Variants in SLC9A1 observed in about 807,000 individuals in gnomAD.
The protein encoded by SLC9A1 is sodium/hydrogen exchanger 1.
SLC9A1 carries 22 observed loss-of-function variants against 67.9 expected under a neutral mutation model. That is an observed-to-expected ratio of 0.32 (90% CI 0.23 to 0.46). The LOEUF (loss-of-function observed/expected upper bound fraction) is 0.46, where lower values mean the gene tolerates loss of function less well. Among genes scored for constraint, SLC9A1 ranks in the 20% least tolerant of loss-of-function variants. The pLI, the probability that SLC9A1 is intolerant of heterozygous loss-of-function variation, is 1.00. For synonymous variants in SLC9A1, 421 were observed against 471.8 expected, an observed-to-expected ratio of 0.89 and a Z score of 1.40; for missense variants, 686 against 1,094.8, an observed-to-expected ratio of 0.63 and a Z score of 5.27.
chr1:27,131,949 T>TAAAAAAAAAATAAAAAAAAAAAAAAA (rs200128151), intron 1 of SLC9A1, among the ~76,000 whole-genome samples: 1 of 25,318 alleles, frequency 3.9e-5, no homozygotes, highest in African/African-American at 9.5e-5. Flanking sequence ...AAAAAAAAAA[T>TAAAAAAAAAATAAAAAAAAAAAAAAA]ATATATATAT....
In SLC9A1 at chr1:27,109,785, G is replaced by T; in HGVS notation, c.814-8C>A. 6.2e-7 allele frequency: 1 copy of T among 1,613,364 alleles called. No individual in the cohort carries two copies. Among genetic ancestry groups the T allele is most frequent in the South Asian group, 1.1e-5 (1 of 91,040 alleles). On this transcript the variant is annotated splice_region_variant and splice_polypyrimidine_tract_variant and intron_variant, in intron 2 of 11. Coordinates refer to ENST00000263980, the MANE Select transcript of SLC9A1 (RefSeq NM_003047.5). This position sits in a 1 kb window ranked among gnomAD's most constrained non-coding sequence, Gnocchi z 5.5. ...AAAGAGGTGATACAGGACCTGGGGA[G>T]GGTGTGCAGGCTGGTGGGTGGGAGG...
intron 1 of SLC9A1, among the ~76,000 whole-genome samples, chr1:27,141,637 C>T (rs894795083): frequency 2.6e-5 from 4 of 152,328 alleles, no homozygotes; most frequent in Admixed American, 6.5e-5. Flanking sequence ...TCAAACAAGT[C>T]GTTGAGCTTG....
At chr1:27,117,234 G>A (rs1018840980) in intron 1 of SLC9A1, among the ~76,000 whole-genome samples, 18 of 152,318 alleles carry the variant, frequency 1.2e-4, no homozygotes, top group Non-Finnish European at 2.2e-4. Flanking sequence ...GAAGATTTAG[G>A]GGAGCAGAGC....
chr1:27,154,523 T>G lies in SLC9A1; in HGVS notation c.-189A>C. The G allele has an allele frequency of 1.9e-6, 1 of 512,996 alleles. No homozygotes were observed. Among genetic ancestry groups the G allele is most frequent in the Non-Finnish European group, 3.4e-6 (1 of 290,742 alleles). The allele number at this position is 512,996 out of a possible 1,614,324, so 31.8% of individuals were successfully genotyped here. A position where few individuals can be genotyped will look rare whatever the true frequency, so the allele number is the denominator to read the frequency against. On this transcript the variant is annotated 5_prime_UTR_variant, in exon 1 of 12. Coordinates refer to ENST00000263980, the MANE Select transcript of SLC9A1 (RefSeq NM_003047.5). Reference sequence around the variant, plus strand: ...GGAGGCTGGGTTTGCAATCTGGAACTCCAAAGTGGGGAAAGGGGGCAAGGA... The same window carrying G: ...GGAGGCTGGGTTTGCAATCTGGAACGCCAAAGTGGGGAAAGGGGGCAAGGA...
chr1:27,123,042 CA>C (rs1447220029), intron 1 of SLC9A1, among the ~76,000 whole-genome samples: 1 of 151,844 alleles, frequency 6.6e-6, no homozygotes. Context: ...TTACTTGGGG[CA>C]GGGGTAGGAC....
chr1:27,115,827 C>G (rs1176678241), intron 1 of SLC9A1, among the ~76,000 whole-genome samples: 1 of 152,104 alleles, frequency 6.6e-6, no homozygotes, highest in Non-Finnish European at 1.5e-5. Context: ...AACTGCTTAT[C>G]ATTATACACC....
intron 1 of SLC9A1, among the ~76,000 whole-genome samples, chr1:27,124,868 G>A (rs2083330597): frequency 2.0e-5 from 3 of 152,094 alleles, no homozygotes; most frequent in South Asian, 4.2e-4. Context: ...GAAAAGATGG[G>A]GGGCCTTCCC....
Position 27,154,639 on chromosome 1 carries a change from T to G in SLC9A1, c.-305A>C. ...GATGTGGGAAACTGAGCCCTAGGGA[T>G]AGAGGAAGGGGCAGGATAGGGATAG... On this transcript the variant is annotated 5_prime_UTR_variant, in exon 1 of 12. Coordinates refer to ENST00000263980, the MANE Select transcript of SLC9A1 (RefSeq NM_003047.5). 3.1e-6 allele frequency: 1 copy of G among 324,112 alleles called. No individual in the cohort carries two copies. The allele number at this position is 324,112 out of a possible 1,614,324, so 20.1% of individuals were successfully genotyped here. A position where few individuals can be genotyped will look rare whatever the true frequency, so the allele number is the denominator to read the frequency against.
At chr1:27,141,662 T>C (rs1442459532) in intron 1 of SLC9A1, among the ~76,000 whole-genome samples, 1 of 152,208 alleles carries the variant, frequency 6.6e-6, no homozygotes, top group Non-Finnish European at 1.5e-5. Context: ...AAGAAGCAGT[T>C]CTCATGCATC....
At chr1:27,133,430 T>G (rs982444403) in intron 1 of SLC9A1, among the ~76,000 whole-genome samples, 21 of 152,112 alleles carry the variant, frequency 1.4e-4, no homozygotes, top group African/African-American at 4.8e-4. Flanking sequence ...GGCCCCCTCT[T>G]TATTTTCCTG....
At chr1:27,113,677 G>A (rs1180867971) in intron 2 of SLC9A1, 149 bp downstream of exon 2, 4 of 654,884 alleles carry the variant, frequency 6.1e-6, no homozygotes, top group African/African-American at 1.8e-5. Flanking sequence ...CATGCCGAAG[G>A]GCTCAGCATG....
intron 1 of SLC9A1, among the ~76,000 whole-genome samples, chr1:27,123,938 T>C (rs1354092972): frequency 2.0e-5 from 3 of 152,212 alleles, no homozygotes; most frequent in African/African-American, 7.2e-5. Context: ...GCGATTCTCC[T>C]GCCTCAGCGT....
rs2083254075 is a variant in SLC9A1, at chr1:27,114,712, A to C, written c.353-426T>G. Among the ~76,000 whole-genome samples the C allele has an allele frequency of 6.6e-6, 1 of 152,176 alleles. No homozygotes were observed. The highest frequency in any genetic ancestry group is 1.5e-5 in the Non-Finnish European group (1 of 68,034). ...GTTCAGGGAGGCAGATCTGAGCTCA[A>C]CCTGAGGAATAACAATCTAACAATT... On this transcript the variant is annotated intron_variant, in intron 1 of 11. Coordinates refer to ENST00000263980, the MANE Select transcript of SLC9A1 (RefSeq NM_003047.5). The surrounding 1 kb of genome is among the most constrained non-coding windows in gnomAD (Gnocchi z 5.4).
intron 4 of SLC9A1, 55 bp downstream of exon 4, chr1:27,107,593 C>A (rs1006190007): frequency 2.2e-6 from 3 of 1,335,430 alleles, no homozygotes; most frequent in Non-Finnish European, 2.1e-6. Flanking sequence ...AGCCCACCAC[C>A]CCCCACACAC....
intron 8 of SLC9A1, 76 bp from the exon 9 acceptor site, chr1:27,102,206 G>A (rs1006473289): frequency 3.5e-6 from 5 of 1,417,648 alleles, no homozygotes; most frequent in Middle Eastern, 1.8e-4. Context: ...CCAGAAGGAA[G>A]TCACCCTAGG....
chr1:27,112,188 T>C (rs2083232739), intron 2 of SLC9A1, among the ~76,000 whole-genome samples: 1 of 152,158 alleles, frequency 6.6e-6, no homozygotes, highest in South Asian at 2.1e-4. Flanking sequence ...GAGCTAGTGC[T>C]AGAGGAAGCC....
At chr1:27,129,972 CCA>C (rs1054372380) in intron 1 of SLC9A1, among the ~76,000 whole-genome samples, 4 of 152,194 alleles carry the variant, frequency 2.6e-5, no homozygotes, top group South Asian at 2.1e-4. Context: ...GCTCTGAGCC[CCA>C]GTTTTCTGGA....
chr1:27,129,666 T>G (rs752315400), intron 1 of SLC9A1, among the ~76,000 whole-genome samples: 7 of 152,134 alleles, frequency 4.6e-5, no homozygotes, highest in Non-Finnish European at 1.0e-4. Context: ...GGGACGGAAC[T>G]TGGTTGACGT....
intron 1 of SLC9A1, among the ~76,000 whole-genome samples, chr1:27,149,588 G>A (rs1396050578): frequency 1.3e-5 from 2 of 152,142 alleles, no homozygotes; most frequent in African/African-American, 4.8e-5. Context: ...ACTGCTGTGG[G>A]CTGGGAAGAC....
Sources: gnomAD v4.1 joint callset for allele counts (sites outside exome capture counted in the v4.1 genomes callset) on GRCh38, gnomAD v4.1.1 for gene constraint, Gnocchi (gnomAD v3.1) non-coding constraint, MANE v1.5 for transcripts, NCBI Gene and HGNC (gene_info 2026-07-23, HGNC 2026-07-21) for gene names.